Variants in KCNAB1 observed in about 807,000 individuals in gnomAD.
KCNAB1 encodes potassium voltage-gated channel subfamily A regulatory beta subunit 1.
Under a neutral mutation model 64.6 loss-of-function variants are expected in KCNAB1, and 35 were observed. The ratio of observed to expected loss-of-function variants is 0.54; its 90% CI spans 0.41 to 0.72. The LOEUF (loss-of-function observed/expected upper bound fraction) is 0.72, where lower values mean the gene tolerates loss of function less well. Ranked by LOEUF, KCNAB1 falls within the 30% of genes least tolerant of loss-of-function variation. KCNAB1 has a pLI of 0.00. For synonymous variants in KCNAB1, 177 were observed against 183.8 expected (o/e 0.96, Z 0.30); for missense variants, 401 against 512.9 (o/e 0.78, Z 2.11).
chr3:156,332,739 A>G (rs552836534), intron 1 of KCNAB1, among the ~76,000 whole-genome samples: 14 of 152,294 alleles, frequency 9.2e-5, no homozygotes, highest in African/African-American at 3.1e-4. Flanking sequence ...ATACAAACCC[A>G]TTGGGTAAAA....
At chr3:156,431,050 C>A (rs1381541153) in intron 2 of KCNAB1, among the ~76,000 whole-genome samples, 2 of 152,190 alleles carry the variant, frequency 1.3e-5, no homozygotes, top group Admixed American at 6.5e-5. Context: ...ATCAGGTGTG[C>A]TTTCCCCATG....
chr3:156,164,713 A>G (rs765241036), intron 1 of KCNAB1, among the ~76,000 whole-genome samples: 1 of 152,208 alleles, frequency 6.6e-6, no homozygotes, highest in East Asian at 1.9e-4. Flanking sequence ...CCTCGGTACC[A>G]GTGATGGAGA....
Position 156,515,122 on chromosome 3 carries a change from A to C in KCNAB1, c.767A>C (p.Gln256Pro). ...TAGGAAGCCTATTCTGTAGCAAGAC[A>C]GTTCAATATGATCCCACCGGTCTGT... is the stretch of plus-strand genomic sequence containing the variant. ...EIMEAYSVARQFNMIPPVCEQ... is the reference protein window; with the variant it reads ...EIMEAYSVARPFNMIPPVCEQ... Residue 256 changes from glutamine to proline, a missense_variant, in exon 10 of 14, where the codon CAG becomes CCG. Transcript: ENST00000490337. 1 of 1,612,478 alleles carries C rather than the reference A, an allele frequency of 6.2e-7. No homozygotes were observed. Among genetic ancestry groups the C allele is most frequent in the Non-Finnish European group, 8.5e-7 (1 of 1,179,280 alleles).
At chr3:156,328,219 G>C (rs148514343) in intron 1 of KCNAB1, among the ~76,000 whole-genome samples, 1 of 152,254 alleles carries the variant, frequency 6.6e-6, no homozygotes, top group Non-Finnish European at 1.5e-5. Context: ...AATGAGGCTG[G>C]ATAGTGGAAG....
intron 1 of KCNAB1, among the ~76,000 whole-genome samples, chr3:156,363,730 C>T (rs779004059): frequency 2.6e-5 from 4 of 152,326 alleles, no homozygotes; most frequent in Middle Eastern, 3.4e-3. Context: ...CCTGCCTTGG[C>T]ATCCCAAAGT....
chr3:156,224,267 C>T (rs1264850624), intron 1 of KCNAB1, among the ~76,000 whole-genome samples: 3 of 152,240 alleles, frequency 2.0e-5, no homozygotes, highest in Non-Finnish European at 1.5e-5. Flanking sequence ...TGCTGGCCCG[C>T]AAGCACCGCA....
intron 8 of KCNAB1, among the ~76,000 whole-genome samples, chr3:156,499,568 T>C (rs1716240299): frequency 6.6e-6 from 1 of 152,154 alleles, no homozygotes; most frequent in Admixed American, 6.6e-5. Context: ...AGAGTTTGCA[T>C]GAAATACAAA....
At chr3:156,378,351 C>A (rs1320140582) in intron 1 of KCNAB1, among the ~76,000 whole-genome samples, 1 of 151,910 alleles carries the variant, frequency 6.6e-6, no homozygotes, top group Non-Finnish European at 1.5e-5. Flanking sequence ...TTACAGTCCA[C>A]CCAGAAAAAA....
intron 1 of KCNAB1, among the ~76,000 whole-genome samples, chr3:156,234,418 G>T (rs1256477979): frequency 6.6e-6 from 1 of 152,064 alleles, no homozygotes; most frequent in South Asian, 2.1e-4. Flanking sequence ...ATAAGCAGAA[G>T]GCTTAACCCT....
At chr3:156,445,232 G>A (rs1379292103) in intron 2 of KCNAB1, among the ~76,000 whole-genome samples, 1 of 152,196 alleles carries the variant, frequency 6.6e-6, no homozygotes, top group African/African-American at 2.4e-5. Context: ...GGAGGCGGAA[G>A]TTGCAGTGAG....
intron 1 of KCNAB1, among the ~76,000 whole-genome samples, chr3:156,157,914 A>G (rs535595962): frequency 1.3e-5 from 2 of 152,214 alleles, no homozygotes; most frequent in South Asian, 2.1e-4. Flanking sequence ...CTGTAATCCC[A>G]GCACTTTGGG....
intron 1 of KCNAB1, among the ~76,000 whole-genome samples, chr3:156,288,616 A>G (rs1163251833): frequency 6.6e-6 from 1 of 152,220 alleles, no homozygotes; most frequent in East Asian, 1.9e-4. Flanking sequence ...GGGGGAAGCC[A>G]CCAATCTGCT....
chr3:156,502,967 T>C (rs1207381607), intron 8 of KCNAB1, among the ~76,000 whole-genome samples: 1 of 152,228 alleles, frequency 6.6e-6, no homozygotes, highest in Non-Finnish European at 1.5e-5. Context: ...TTTACTTTCA[T>C]TTTGAGTGTT....
chr3:156,327,988 C>A (rs778439610), intron 1 of KCNAB1, among the ~76,000 whole-genome samples: 6 of 152,026 alleles, frequency 3.9e-5, no homozygotes, highest in Non-Finnish European at 8.8e-5. Flanking sequence ...TGTCTAACTC[C>A]TGACTCCATG....
At chr3:156,490,893 C>T (rs1215215816) in intron 8 of KCNAB1, among the ~76,000 whole-genome samples, 1 of 152,102 alleles carries the variant, frequency 6.6e-6, no homozygotes, top group African/African-American at 2.4e-5. Context: ...GAAACATTAT[C>T]ATGAGATTTC....
At chr3:156,182,996 C>T in intron 1 of KCNAB1, among the ~76,000 whole-genome samples, 1 of 152,134 alleles carries the variant, frequency 6.6e-6, no homozygotes, top group Non-Finnish European at 1.5e-5. Flanking sequence ...CTGCGCCCAG[C>T]CGACAGTTTC....
intron 12 of KCNAB1, among the ~76,000 whole-genome samples, chr3:156,525,794 A>G (rs11718384): frequency 0.37 from 55,687 of 151,966 alleles, 10,644 homozygotes; most frequent in African/African-American, 0.43. Context: ...GATTACAGGC[A>G]TGAGCCACTG....
chr3:156,286,177 C>T (rs143580847), intron 1 of KCNAB1, among the ~76,000 whole-genome samples: 23 of 152,264 alleles, frequency 1.5e-4, no homozygotes, highest in African/African-American at 5.3e-4. Context: ...TTTACTTTGC[C>T]TGTTATTCAA....
rs77013089 is a variant in KCNAB1 at position 156,467,772 on chromosome 3, G to A, written c.571+2086G>A. 3.2e-3 allele frequency among the ~76,000 whole-genome samples: 493 copies of A among 152,194 alleles called. 15 individuals are homozygous for A. The East Asian group carries it at 0.045, about 14-fold the overall frequency. ...TACAAGTGACCATCCTTAGGTAAAT[G>A]GGGTAGATTCCAGAGTGGCATTGCT... On this transcript the variant is annotated intron_variant, in intron 7 of 13. Transcript: ENST00000490337.
Sources: gnomAD v4.1 joint callset for allele counts (sites outside exome capture counted in the v4.1 genomes callset) on GRCh38, gnomAD v4.1.1 for gene constraint, MANE v1.5 for transcripts, NCBI Gene and HGNC (gene_info 2026-07-23, HGNC 2026-07-21) for gene names.